Variants in CHSY3 observed in about 807,000 individuals in gnomAD.
CHSY3 encodes chondroitin sulfate synthase 3.
A neutral mutation model predicts 67.2 loss-of-function variants in CHSY3; 35 were observed. The observed-to-expected ratio is 0.52, with a 90% confidence interval of 0.40 to 0.69. The LOEUF is 0.69. Ranked by LOEUF, CHSY3 falls within the 30% of genes least tolerant of loss-of-function variation. The probability of loss-of-function intolerance (pLI) is 0.00; values close to 1 mark genes in which losing one functional copy is unlikely to be tolerated. For synonymous variants in CHSY3, 474 were observed against 434.7 expected (o/e 1.09, Z -1.12); for missense variants, 1,069 against 1,138.5 (o/e 0.94, Z 0.88).
At chr5:130,141,465 A>G (rs1312433984) in intron 2 of CHSY3, 1 of 359,834 alleles carries the variant, frequency 2.8e-6, no homozygotes, top group Non-Finnish European at 5.5e-6. Flanking sequence ...GATATTGATG[A>G]TAATGGCATC....
intron 2 of CHSY3, among the ~76,000 whole-genome samples, chr5:130,065,057 T>C (rs1217795416): frequency 6.6e-6 from 1 of 152,180 alleles, no homozygotes; most frequent in Non-Finnish European, 1.5e-5. Flanking sequence ...TTGGTTTCTG[T>C]AACTCATTCA....
chr5:129,907,859 C>T (rs928189545), intron 1 of CHSY3, among the ~76,000 whole-genome samples: 1 of 152,048 alleles, frequency 6.6e-6, no homozygotes, highest in South Asian at 2.1e-4. Flanking sequence ...TTTTCAGTGA[C>T]CTTAACCAGA....
chr5:130,174,652 ATAAC>A (rs1298236958), intron 2 of CHSY3, among the ~76,000 whole-genome samples: 2 of 152,308 alleles, frequency 1.3e-5, no homozygotes, highest in East Asian at 3.9e-4. Flanking sequence ...AACTACAACA[ATAAC>A]TAATTATATA....
intron 2 of CHSY3, among the ~76,000 whole-genome samples, chr5:129,993,497 T>C (rs1763431552): frequency 6.6e-6 from 1 of 152,174 alleles, no homozygotes. Flanking sequence ...CTTTGTTCGT[T>C]TAAAGTCTGT....
chr5:130,005,432 A>AC (rs1333384664), intron 2 of CHSY3, among the ~76,000 whole-genome samples: 3 of 23,568 alleles, frequency 1.3e-4, no homozygotes, highest in African/African-American at 6.9e-4. Context: ...CGAAACAACA[A>AC]AAAAAAAAAC....
chr5:130,062,182 G>A (rs1765735901), intron 2 of CHSY3, among the ~76,000 whole-genome samples: 5 of 152,078 alleles, frequency 3.3e-5, no homozygotes, highest in Admixed American at 3.3e-4. Context: ...CGAAAATGTG[G>A]TATATATACA....
intron 2 of CHSY3, among the ~76,000 whole-genome samples, chr5:129,986,847 T>TGAAC (rs1763219770): frequency 6.6e-6 from 1 of 152,130 alleles, no homozygotes; most frequent in South Asian, 2.1e-4. Flanking sequence ...TTTGCCATCT[T>TGAAC]TCCCAAGCTG....
At chr5:130,155,960 G>T (rs1426843439) in intron 2 of CHSY3, among the ~76,000 whole-genome samples, 1 of 152,176 alleles carries the variant, frequency 6.6e-6, no homozygotes, top group African/African-American at 2.4e-5. Context: ...TTCTTAACCT[G>T]ACAGTTTAGC....
Position 130,128,253 on chromosome 5 carries a change from T to TGTGTGTGC in CHSY3, c.1087-55975_1087-55974insTGTGTGCG, listed in dbSNP as rs760472284. ...TGGTGTGTGTGTGTGTGTGTGTGTG[T>TGTGTGTGC]GCGCTCACATGCTCAGGCATGCACA... On this transcript the variant is annotated intron_variant, in intron 2 of 2. Transcript: ENST00000305031. 2.3e-3 allele frequency among the ~76,000 whole-genome samples: 351 copies of TGTGTGTGC among 151,028 alleles called. 3 individuals are homozygous for TGTGTGTGC. Among genetic ancestry groups the TGTGTGTGC allele is most frequent in the South Asian group, 0.02 (95 of 4,712 alleles).
At chr5:130,152,103 G>T (rs1048192605) in intron 2 of CHSY3, among the ~76,000 whole-genome samples, 3 of 152,116 alleles carry the variant, frequency 2.0e-5, no homozygotes, top group Admixed American at 2.0e-4. Flanking sequence ...ATCAGAATTG[G>T]ACTCTTTTAA....
intron 2 of CHSY3, among the ~76,000 whole-genome samples, chr5:130,095,085 A>G (rs950843033): frequency 6.6e-6 from 1 of 152,096 alleles, no homozygotes; most frequent in African/African-American, 2.4e-5. Flanking sequence ...ATAATTATAT[A>G]TACATACATA....
chr5:129,905,871 G>A lies in CHSY3; in HGVS notation c.802+240G>A, dbSNP rs1325611572. 36 of 862,462 alleles carry A rather than the reference G, an allele frequency of 4.2e-5. No individual in the cohort carries two copies. The Admixed American group carries it at 9.0e-4, about 22-fold the overall frequency. 53.4% of individuals were successfully genotyped at this position (862,462 alleles called of 1,614,324 possible). ...CTGGCTTTATTCGCCTTCCTCACTT[G>A]CTGTTTTCGGTGCCGCCTCGCGCTT... On this transcript the variant is annotated intron_variant, in intron 1 of 2. Transcript: ENST00000305031.
At chr5:130,100,973 G>A (rs10050470) in intron 2 of CHSY3, among the ~76,000 whole-genome samples, 82,778 of 152,084 alleles carry the variant, frequency 0.54, 23,192 homozygotes, top group East Asian at 0.68. Flanking sequence ...AGTATAATAA[G>A]TTTCTCCAGT....
At chr5:130,072,787 G>GT (rs1230671180) in intron 2 of CHSY3, among the ~76,000 whole-genome samples, 1 of 152,006 alleles carries the variant, frequency 6.6e-6, no homozygotes, top group Non-Finnish European at 1.5e-5. Flanking sequence ...CTTCCAATCT[G>GT]TAAACATTGA....
chr5:129,969,530 A>G (rs189352580), intron 2 of CHSY3, among the ~76,000 whole-genome samples: 4 of 151,974 alleles, frequency 2.6e-5, no homozygotes, highest in East Asian at 1.9e-4. Flanking sequence ...CTGCATGAAT[A>G]TCAGTTATTT....
At chr5:130,002,657 A>C (rs11956452) in intron 2 of CHSY3, among the ~76,000 whole-genome samples, 3,585 of 152,224 alleles carry the variant, frequency 0.024, 130 homozygotes, top group African/African-American at 0.079. Context: ...AGAGACATAA[A>C]TATTTTCTAA....
intron 2 of CHSY3, among the ~76,000 whole-genome samples, chr5:130,132,509 C>G (rs1231501400): frequency 6.6e-6 from 1 of 152,146 alleles, no homozygotes; most frequent in South Asian, 2.1e-4. Flanking sequence ...TATAGAATCA[C>G]ACATTATTCT....
chr5:130,026,104 A>G (rs1193916448), intron 2 of CHSY3, among the ~76,000 whole-genome samples: 1 of 152,136 alleles, frequency 6.6e-6, no homozygotes, highest in Non-Finnish European at 1.5e-5. Context: ...TCACAAGACC[A>G]TGTTACCAAG....
rs1304277585 is a variant in CHSY3, at chr5:129,999,482, T to C, written c.1086+91122T>C. ...GGCAATGATAATGGCAGTGGTGGAG[T>C]ATTCCATCCTAAGAAATGCAATGAT... is the stretch of plus-strand genomic sequence containing the variant. On this transcript the variant is annotated intron_variant, in intron 2 of 2. Coordinates refer to ENST00000305031, the MANE Select transcript of CHSY3 (RefSeq NM_175856.5). 3.3e-5 allele frequency among the ~76,000 whole-genome samples: 5 copies of C among 151,984 alleles called. No individual in the cohort carries two copies. The East Asian group carries it at 9.7e-4, about 29-fold the overall frequency.
Sources: gnomAD v4.1 joint callset for allele counts (sites outside exome capture counted in the v4.1 genomes callset) on GRCh38, gnomAD v4.1.1 for gene constraint, MANE v1.5 for transcripts, NCBI Gene and HGNC (gene_info 2026-07-23, HGNC 2026-07-21) for gene names.